Variants in TENM1 observed in about 807,000 individuals in gnomAD.
TENM1 encodes the protein teneurin-1.
A neutral mutation model predicts 174.8 loss-of-function variants in TENM1; 35 were observed. The ratio of observed to expected loss-of-function variants is 0.20; its 90% confidence interval spans 0.15 to 0.27. TENM1 has a LOEUF of 0.27. Ranked by LOEUF, TENM1 falls within the 10% of genes least tolerant of loss-of-function variation. The probability of loss-of-function intolerance (pLI) is 1.00; values close to 1 mark genes in which losing one functional copy is unlikely to be tolerated. For synonymous variants in TENM1, 781 were observed against 798.7 expected, an observed-to-expected ratio of 0.98 and a Z score of 0.37; for missense variants, 1,633 against 2,130.1, an observed-to-expected ratio of 0.77 and a Z score of 4.59.
At chrX:124,398,314 G>T (rs1452720912) in intron 27 of TENM1, among the ~76,000 whole-genome samples, 1 of 106,811 alleles carries the variant, frequency 9.4e-6, no homozygotes, top group African/African-American at 3.4e-5. Context: ...TTGATTTTTA[G>T]AAATCAATCA....
intron 19 of TENM1, among the ~76,000 whole-genome samples, chrX:124,499,481 C>G (rs2047278379): frequency 9.0e-6 from 1 of 111,729 alleles, no homozygotes; most frequent in African/African-American, 3.3e-5. Flanking sequence ...TTTGCAGGAG[C>G]AGCTGTGAGT....
chrX:124,658,236 A>T (rs1290445170), intron 6 of TENM1, among the ~76,000 whole-genome samples: 1 of 111,758 alleles, frequency 8.9e-6, no homozygotes, highest in Non-Finnish European at 1.9e-5. Flanking sequence ...ATATGTATTC[A>T]ACTCTCAATT....
chrX:124,801,059 G>T (rs769932529), intron 3 of TENM1, among the ~76,000 whole-genome samples: 28 of 111,797 alleles, frequency 2.5e-4, no homozygotes, highest in Non-Finnish European at 4.9e-4. Context: ...GCACTGAGAA[G>T]AATATATATT....
intron 3 of TENM1, among the ~76,000 whole-genome samples, chrX:124,746,657 G>C (rs1307902134): frequency 8.9e-6 from 1 of 111,847 alleles, no homozygotes; most frequent in Non-Finnish European, 1.9e-5. Flanking sequence ...AAAGTTATCT[G>C]ATAAATTCTT....
chrX:124,922,337 C>T (rs1369531369), intron 1 of TENM1, among the ~76,000 whole-genome samples: 1 of 110,985 alleles, frequency 9.0e-6, no homozygotes, highest in Non-Finnish European at 1.9e-5. Flanking sequence ...TCTCTTTATC[C>T]TTGAGATTTA....
At chrX:124,517,301 A>G (rs1235744862) in intron 18 of TENM1, among the ~76,000 whole-genome samples, 1 of 111,060 alleles carries the variant, frequency 9.0e-6, no homozygotes, top group Non-Finnish European at 1.9e-5. Context: ...AACTTAAAAT[A>G]AAAGTTTAAA....
intron 24 of TENM1, among the ~76,000 whole-genome samples, chrX:124,421,757 A>C (rs1240739950): frequency 9.0e-6 from 1 of 111,193 alleles, no homozygotes; most frequent in Non-Finnish European, 1.9e-5. Flanking sequence ...TTGCTCATCT[A>C]TCCCAAAGAC....
chrX:125,199,666 G>A, the TENM1 span, among the ~76,000 whole-genome samples: 2 of 111,079 alleles, frequency 1.8e-5, no homozygotes, highest in African/African-American at 6.5e-5. Context: ...ATACTTCCAG[G>A]CCTTGAAATG....
chrX:125,007,897 G>T, the TENM1 span, among the ~76,000 whole-genome samples: 2 of 111,481 alleles, frequency 1.8e-5, no homozygotes, highest in East Asian at 5.6e-4. Flanking sequence ...AATACAGAAA[G>T]GAAAAACCAG....
chrX:124,775,303 CAAA>C (rs35934307), intron 3 of TENM1, among the ~76,000 whole-genome samples: 4 of 50,268 alleles, frequency 8.0e-5, no homozygotes, highest in Non-Finnish European at 8.2e-5. Context: ...AAGACTCCGT[CAAA>C]AAAAAAAAAA....
the TENM1 span, among the ~76,000 whole-genome samples, chrX:125,066,227 C>T: frequency 9.0e-6 from 1 of 111,523 alleles, no homozygotes; most frequent in Non-Finnish European, 1.9e-5. Context: ...GTTGCCACAA[C>T]GTTAAGAGTA....
At chrX:124,604,553 A>G (rs1383917868) in intron 11 of TENM1, among the ~76,000 whole-genome samples, 1 of 111,278 alleles carries the variant, frequency 9.0e-6, no homozygotes, top group Non-Finnish European at 1.9e-5. Context: ...GTTAGAATTA[A>G]TAGACCTAAC....
intron 1 of TENM1, among the ~76,000 whole-genome samples, chrX:124,931,670 C>A (rs2058173281): frequency 9.0e-6 from 1 of 111,421 alleles, no homozygotes; most frequent in Non-Finnish European, 1.9e-5. Context: ...CCTCTTCTAG[C>A]TGATAGAAAG....
Position 124,385,657 on chromosome X carries a change from A to G in TENM1, c.6076+20T>C. On this transcript the variant is annotated intron_variant, in intron 29 of 31. Coordinates refer to ENST00000422452, the Ensembl canonical transcript of TENM1. ...AAATAGTGATGTTGTTGTACACACC[A>G]CCACTCTTTCACAACAAACCTGTTT... The G allele has an allele frequency of 8.5e-7, 1 of 1,177,665 alleles. No homozygotes were observed. Among genetic ancestry groups the G allele is most frequent in the Non-Finnish European group, 1.1e-6 (1 of 874,463 alleles).
chrX:125,162,485 A>G, the TENM1 span, among the ~76,000 whole-genome samples: 2 of 111,663 alleles, frequency 1.8e-5, no homozygotes, highest in East Asian at 5.7e-4. Flanking sequence ...TTTTCAGCCT[A>G]TTCAGCTTTT....
chrX:125,087,018 T>G, the TENM1 span, among the ~76,000 whole-genome samples: 4 of 111,495 alleles, frequency 3.6e-5, no homozygotes, highest in Non-Finnish European at 7.6e-5. Context: ...TTTAGAGATA[T>G]TATATGCCCT....
At chrX:124,460,889 A>G (rs183127572) in intron 22 of TENM1, among the ~76,000 whole-genome samples, 52 of 111,549 alleles carry the variant, frequency 4.7e-4, no homozygotes, top group African/African-American at 1.7e-3. Flanking sequence ...AGGTTCAGAA[A>G]CTCCATGAAA....
chrX:124,760,523 C>CACTTTAT (rs2054382452), intron 3 of TENM1, among the ~76,000 whole-genome samples: 2 of 111,769 alleles, frequency 1.8e-5, no homozygotes, highest in Non-Finnish European at 3.8e-5. Context: ...AAGGGAATTA[C>CACTTTAT]ACTTTATACA....
At chrX:125,096,542 C>T in the TENM1 span, among the ~76,000 whole-genome samples, 1 of 111,715 alleles carries the variant, frequency 9.0e-6, no homozygotes, top group African/African-American at 3.2e-5. Flanking sequence ...TACTCAAAGT[C>T]GATATGGTGA....
Sources: gnomAD v4.1 joint callset for allele counts (sites outside exome capture counted in the v4.1 genomes callset) on GRCh38, gnomAD v4.1.1 for gene constraint, MANE v1.5 for transcripts, NCBI Gene and HGNC (gene_info 2026-07-23, HGNC 2026-07-21) for gene names.